Variants in AK4 observed in about 807,000 individuals in gnomAD.
The protein encoded by AK4 is adenylate kinase 4, mitochondrial.
A neutral mutation model predicts 24.6 loss-of-function variants in AK4; 13 were observed. The observed-to-expected ratio is 0.53, with a 90% CI of 0.34 to 0.84. The LOEUF is 0.84. AK4 is among the 40% of genes least tolerant of loss of function. The pLI is 0.01. For missense variants in AK4, 192 were observed against 288.2 expected, an observed-to-expected ratio of 0.67 and a Z score of 2.42; for synonymous variants, 88 against 107.0, an observed-to-expected ratio of 0.82 and a Z score of 1.10.
chr1:65,169,872 T>C (rs1650451523), intron 1 of AK4, among the ~76,000 whole-genome samples: 1 of 151,504 alleles, frequency 6.6e-6, no homozygotes, highest in Non-Finnish European at 1.5e-5. Flanking sequence ...TCTTGGTCAT[T>C]AGTTGTTCGG....
rs893281300 is a variant in AK4 at position 65,224,735 on chromosome 1, T to C, written c.439-17T>C. Reference sequence around the variant, plus strand: ...CCAACTGTTGTCTATATTAATTGGTTTATTTGGTATTTGTAGGGTATTGAT... The same window carrying C: ...CCAACTGTTGTCTATATTAATTGGTCTATTTGGTATTTGTAGGGTATTGAT... On this transcript the variant is annotated splice_polypyrimidine_tract_variant and intron_variant, in intron 3 of 4. Transcript: ENST00000327299. 1 of 1,600,010 alleles carries C rather than the reference T, an allele frequency of 6.2e-7. No individual in the cohort carries two copies. Among genetic ancestry groups the C allele is most frequent in the Admixed American group, 1.7e-5 (1 of 59,944 alleles).
intron 2 of AK4, among the ~76,000 whole-genome samples, chr1:65,211,972 G>A (rs569371891): frequency 4.3e-4 from 65 of 152,308 alleles, no homozygotes; most frequent in Admixed American, 5.9e-4. Flanking sequence ...ATTTGGAAGA[G>A]CTGAGGATAC....
chr1:65,158,603 C>T (rs1303282472), intron 1 of AK4, among the ~76,000 whole-genome samples: 2 of 152,078 alleles, frequency 1.3e-5, no homozygotes, highest in Admixed American at 6.6e-5. Flanking sequence ...TGGGTTCAAG[C>T]GATTCTTGTG....
chr1:65,223,335 C>T (rs1345102450), intron 3 of AK4, among the ~76,000 whole-genome samples: 2 of 151,946 alleles, frequency 1.3e-5, no homozygotes, highest in African/African-American at 4.8e-5. Context: ...AATACAGGCA[C>T]CCGCCACCAC....
At chr1:65,192,982 G>A (rs756366084) in intron 2 of AK4, among the ~76,000 whole-genome samples, 1 of 152,112 alleles carries the variant, frequency 6.6e-6, no homozygotes, top group Non-Finnish European at 1.5e-5. Context: ...CTCATGGGTT[G>A]GAGTTGTATA....
intron 3 of AK4, among the ~76,000 whole-genome samples, chr1:65,221,954 G>C (rs1341657996): frequency 6.6e-6 from 1 of 152,168 alleles, no homozygotes; most frequent in African/African-American, 2.4e-5. Context: ...GGACACGGAC[G>C]CAAGGAGTTT....
intron 1 of AK4, among the ~76,000 whole-genome samples, chr1:65,164,692 T>A (rs1346123603): frequency 6.6e-6 from 1 of 152,240 alleles, no homozygotes; most frequent in Non-Finnish European, 1.5e-5. Context: ...TATTTTCTCC[T>A]ATCCTGTTTC....
intron 1 of AK4, among the ~76,000 whole-genome samples, chr1:65,155,719 G>C (rs149501577): frequency 5.3e-4 from 81 of 151,610 alleles, no homozygotes; most frequent in Non-Finnish European, 9.1e-4. Context: ...CTAGAGTGCA[G>C]TGGCGTGTTC....
intron 1 of AK4, among the ~76,000 whole-genome samples, chr1:65,170,771 G>A (rs747453528): frequency 7.2e-5 from 11 of 152,128 alleles, no homozygotes; most frequent in Non-Finnish European, 1.5e-4. Flanking sequence ...TTGGAAATCT[G>A]TCACATGGTT....
chr1:65,185,383 A>G (rs1475687248), intron 1 of AK4, among the ~76,000 whole-genome samples: 1 of 152,116 alleles, frequency 6.6e-6, no homozygotes, highest in Non-Finnish European at 1.5e-5. Context: ...TCTATTTAAA[A>G]TTCCTCAAAG....
intron 2 of AK4, among the ~76,000 whole-genome samples, chr1:65,209,753 G>C (rs1322115466): frequency 6.6e-6 from 1 of 152,110 alleles, no homozygotes; most frequent in African/African-American, 2.4e-5. Flanking sequence ...ATTTCATATT[G>C]TATGCCCTGA....
chr1:65,169,163 G>A (rs538169008), intron 1 of AK4, among the ~76,000 whole-genome samples: 44 of 139,112 alleles, frequency 3.2e-4, no homozygotes, highest in African/African-American at 1.2e-3. Flanking sequence ...TTGGCAGAAT[G>A]AGACGCTGTC....
intron 1 of AK4, among the ~76,000 whole-genome samples, chr1:65,180,390 G>A (rs779624089): frequency 3.3e-5 from 5 of 152,200 alleles, no homozygotes; most frequent in Non-Finnish European, 7.4e-5. Context: ...GTGTCAGAGA[G>A]TGATTTAAAA....
chr1:65,200,939 C>T lies in AK4; in HGVS notation c.265+10110C>T, dbSNP rs545167476. On this transcript the variant is annotated intron_variant, in intron 2 of 4. Transcript: ENST00000327299. ...CCTCCCAAGTAGCTGGGACTACAGG[C>T]AGTGCCACCACGCCCAGCTAATTTT... Among the ~76,000 whole-genome samples the T allele has an allele frequency of 8.3e-4, 127 of 152,226 alleles. 1 individual carries two copies. Among genetic ancestry groups the T allele is most frequent in the Admixed American group, 2.8e-3 (43 of 15,294 alleles).
At chr1:65,173,862 CAA>C (rs11429425) in intron 1 of AK4, among the ~76,000 whole-genome samples, 2 of 140,884 alleles carry the variant, frequency 1.4e-5, no homozygotes, top group African/African-American at 5.2e-5. Flanking sequence ...GACCCTGTCT[CAA>C]AAAAAAAAAA....
At chr1:65,205,399 T>C (rs1032574816) in intron 2 of AK4, among the ~76,000 whole-genome samples, 4 of 152,148 alleles carry the variant, frequency 2.6e-5, no homozygotes, top group African/African-American at 9.7e-5. Flanking sequence ...TGTGCCCAGC[T>C]AGTTTTTTAT....
intron 2 of AK4, among the ~76,000 whole-genome samples, chr1:65,199,210 T>G (rs1651584495): frequency 6.6e-6 from 1 of 152,178 alleles, no homozygotes; most frequent in South Asian, 2.1e-4. Context: ...ACTGTGTGTT[T>G]GCATGAAGGA....
At chr1:65,223,501 G>T (rs1330846700) in intron 3 of AK4, among the ~76,000 whole-genome samples, 2 of 151,944 alleles carry the variant, frequency 1.3e-5, no homozygotes, top group Non-Finnish European at 2.9e-5. Context: ...ACTGATAAAT[G>T]TTATCACGTA....
intron 2 of AK4, among the ~76,000 whole-genome samples, chr1:65,194,878 C>T (rs934615504): frequency 2.0e-5 from 3 of 152,106 alleles, no homozygotes; most frequent in South Asian, 2.1e-4. Context: ...TGTTACTAGC[C>T]GCTTCCTCCA....
Sources: allele counts gnomAD v4.1 joint callset (sites outside exome capture counted in the v4.1 genomes callset), GRCh38; gene constraint gnomAD v4.1.1; transcripts MANE v1.5; gene names NCBI Gene and HGNC (gene_info 2026-07-23, HGNC 2026-07-21).